The following ZNF581 variants were observed in gnomAD, a reference collection of about 807,000 sequenced individuals.
The protein encoded by ZNF581 is zinc finger protein 581.
Under a neutral mutation model 1.2 loss-of-function variants are expected in ZNF581, and 1 was observed. That is an observed-to-expected ratio of 0.83 (90% confidence interval 0.30 to 3.95). ZNF581 has a LOEUF of 3.95. ZNF581 is among the 30% of genes most tolerant of loss of function. The probability of loss-of-function intolerance (pLI) is 0.18; values close to 1 mark genes in which losing one functional copy is unlikely to be tolerated. For synonymous variants in ZNF581, 105 were observed against 109.2 expected (o/e 0.96, Z 0.24); for missense variants, 273 against 274.6 (o/e 0.99, Z 0.04).
upstream of ZNF581, chr19:55,643,363 G>T: frequency 3.3e-6 from 1 of 306,332 alleles, no homozygotes; most frequent in East Asian, 5.7e-5. Context: ...GTGGTTGTCT[G>T]CGGGGAAGAG....
chr19:55,637,675 T>G (rs114674938), upstream of ZNF581, among the ~76,000 whole-genome samples: 2,249 of 152,226 alleles, frequency 0.015, 58 homozygotes, highest in African/African-American at 0.051. Flanking sequence ...TACAGGGAAG[T>G]GTGTGGCTTG....
chr19:55,639,006 CAAAAA>C (rs753198174), upstream of ZNF581, among the ~76,000 whole-genome samples: 1 of 88,202 alleles, frequency 1.1e-5, no homozygotes, highest in Non-Finnish European at 2.0e-5. Flanking sequence ...ACTCCATCTC[CAAAAA>C]AAAAAAAAAA....
chr19:55,636,976 A>G (rs1204869246), upstream of ZNF581, among the ~76,000 whole-genome samples: 1 of 152,166 alleles, frequency 6.6e-6, no homozygotes, highest in Non-Finnish European at 1.5e-5. Context: ...AGGGCCTTGC[A>G]GAGTGTCTGG....
upstream of ZNF581, chr19:55,642,923 C>T (rs1397268412): frequency 7.3e-6 from 11 of 1,506,012 alleles, no homozygotes; most frequent in Non-Finnish European, 8.8e-6. Context: ...GTCGCGGCAT[C>T]GCGCCACGCA....
In ZNF581 at chr19:55,645,028, C is replaced by T. The variant is rs201455206; in HGVS notation, c.457C>T (p.Arg153Cys). 8.0e-5 allele frequency: 127 copies of T among 1,590,532 alleles called. No homozygotes were observed. Among genetic ancestry groups the T allele is most frequent in the Non-Finnish European group, 1.1e-4 (126 of 1,163,072 alleles). ...RPHGCPLCPR[R>C]FRDAGELAQH... ...CCACGGCTGCCCGCTCTGCCCTCGC[C>T]GCTTCCGGGATGCGGGTGAGCTGGC... The change falls in exon 2 of 2, where the codon CGC becomes TGC. Residue 153 changes from arginine (R) to cysteine (C), a missense_variant. Coordinates refer to ENST00000270451, the MANE Select transcript of ZNF581 (RefSeq NM_016535.4).
upstream of ZNF581, chr19:55,641,991 G>A: frequency 3.1e-6 from 3 of 967,456 alleles, no homozygotes; most frequent in Non-Finnish European, 3.7e-6. Flanking sequence ...AGTGGGGACG[G>A]AGGGCCAGGA....
At chr19:55,637,324 C>G (rs1006343075), upstream of ZNF581, among the ~76,000 whole-genome samples, 1 of 152,020 alleles carries the variant, frequency 6.6e-6, no homozygotes, top group Non-Finnish European at 1.5e-5. Flanking sequence ...TCGCTTGAGG[C>G]CAGGAGTTCG....
upstream of ZNF581, chr19:55,635,039 A>G (rs1982016782): frequency 6.6e-6 from 1 of 152,116 alleles, no homozygotes; most frequent in Non-Finnish European, 1.5e-5. Flanking sequence ...TTTGCTGCGT[A>G]GGGATAGGGA....
At chr19:55,637,599 C>T (rs116921059), upstream of ZNF581, among the ~76,000 whole-genome samples, 1 of 151,904 alleles carries the variant, frequency 6.6e-6, no homozygotes, top group Non-Finnish European at 1.5e-5. Flanking sequence ...GCGGAGGCTG[C>T]TGCTGCTATA....
chr19:55,642,939 C>T (rs1181500267), upstream of ZNF581: 1 of 1,450,398 alleles, frequency 6.9e-7, no homozygotes, highest in South Asian at 1.4e-5. Flanking sequence ...ACGCACCGCG[C>T]CCGCGCCGGG....
At chr19:55,635,666 G>T in exon 1 of ZNF581, 1 of 988,140 alleles carries the variant, frequency 1.0e-6, no homozygotes, top group South Asian at 4.7e-5. Flanking sequence ...AAGATTTGAG[G>T]TGTAAATGGA....
At chr19:55,636,266 C>T (rs1982084679), upstream of ZNF581, among the ~76,000 whole-genome samples, 1 of 152,092 alleles carries the variant, frequency 6.6e-6, no homozygotes, top group Admixed American at 6.6e-5. Context: ...AGGAAGGGGC[C>T]AGAACTTGGC....
In ZNF581 at chr19:55,644,919, G is replaced by C. The variant is rs1433374771; in HGVS notation, c.348G>C (p.Glu116Asp). 20 of 1,613,842 alleles carry C rather than the reference G, an allele frequency of 1.2e-5. No individual in the cohort carries two copies. The highest frequency in any genetic ancestry group is 1.7e-5 in the Non-Finnish European group (20 of 1,179,818). The change falls in exon 2 of 2, where the codon GAG (glutamate) becomes GAC (aspartate). Residue 116 changes from glutamate (E) to aspartate (D), a missense_variant. Physicochemically the swap from Glu to Asp is conservative, Grantham distance 45 (BLOSUM62 2). Coordinates refer to ENST00000270451, the MANE Select transcript of ZNF581 (RefSeq NM_016535.4). The surrounding 1 kb of genome is among the most constrained non-coding windows in gnomAD (Gnocchi z 4.3). ...SITHSEVKPF[E>D]CDICGKAFKR... ...CCCACTCGGAGGTAAAGCCCTTCGA[G>C]TGTGACATCTGTGGGAAGGCATTCA...
upstream of ZNF581, chr19:55,640,385 C>T (rs1190539984): frequency 2.0e-6 from 2 of 985,496 alleles, no homozygotes; most frequent in Non-Finnish European, 2.4e-6. Context: ...CCAGCCTTTC[C>T]CACCTCCGCA....
upstream of ZNF581, chr19:55,643,626 CCT>C (rs914806266): frequency 8.5e-5 from 13 of 152,418 alleles, no homozygotes; most frequent in African/African-American, 3.1e-4. Context: ...TTCCCTAGAC[CCT>C]CTTCTCTCCC....
rs1168879469 is a variant in ZNF581 at position 55,645,102 on chromosome 19, C to T, written c.531C>T (p.His177=). The T allele has an allele frequency of 6.5e-7, 1 of 1,543,482 alleles. No homozygotes were observed. Residue 177 remains histidine (H), a synonymous_variant, in exon 2 of 2, where the codon CAC becomes CAT. Transcript: ENST00000270451. Reference sequence around the variant, plus strand: ...GGGAACGCCCGTTTCAGTGTCCACACTGCCCTCGCCGCTTTATGGAGCAGA... The same window carrying T: ...GGGAACGCCCGTTTCAGTGTCCACATTGCCCTCGCCGCTTTATGGAGCAGA... ...HSGERPFQCP[H]CPRRFMEQNT...
chr19:55,642,800 GC>G, upstream of ZNF581: 1 of 1,565,384 alleles, frequency 6.4e-7, no homozygotes, highest in Non-Finnish European at 8.6e-7. Context: ...CCCGGAGTGC[GC>G]CCGTGTCTTT....
chr19:55,643,192 T>C (rs1291203953), upstream of ZNF581: 1 of 1,178,692 alleles, frequency 8.5e-7, no homozygotes, highest in Non-Finnish European at 1.1e-6. Context: ...ATTCCTTCCT[T>C]ACCCCCTTTC....
upstream of ZNF581, chr19:55,640,922 C>T (rs977310595): frequency 2.0e-6 from 2 of 985,188 alleles, no homozygotes; most frequent in African/African-American, 1.7e-5. Context: ...CCCCGCAGGG[C>T]GCTCCGCAGA....
Sources: gnomAD v4.1 joint callset for allele counts (sites outside exome capture counted in the v4.1 genomes callset) on GRCh38, gnomAD v4.1.1 for gene constraint, Gnocchi (gnomAD v3.1) non-coding constraint, MANE v1.5 for transcripts, NCBI Gene and HGNC (gene_info 2026-07-23, HGNC 2026-07-21) for gene names.